ARK2C: variants seen among roughly 807,000 people sequenced by gnomAD.
ARK2C encodes arkadia (RNF111) C-terminal like ring finger ubiquitin ligase 2C, also known as E3 ubiquitin-protein ligase ARK2C.
At chr18:46,445,629 C>G in the ARK2C span, among the ~76,000 whole-genome samples, 4 of 152,220 alleles carry the variant, frequency 2.6e-5, no homozygotes, top group Admixed American at 1.3e-4. Flanking sequence ...TCTGAATCCT[C>G]AAATCATTAA....
chr18:46,450,197 C>G, the ARK2C span: 1 of 782,760 alleles, frequency 1.3e-6, no homozygotes, highest in Non-Finnish European at 2.3e-6. Context: ...CACAGCATCT[C>G]AGGGTGTACT....
At chr18:46,441,248 T>A in the ARK2C span, among the ~76,000 whole-genome samples, 43 of 152,278 alleles carry the variant, frequency 2.8e-4, no homozygotes, top group African/African-American at 8.2e-4. Flanking sequence ...CCACCTCACC[T>A]CCCAAAGTGC....
At chr18:46,407,817 T>C in the ARK2C span, among the ~76,000 whole-genome samples, 84 of 152,332 alleles carry the variant, frequency 5.5e-4, no homozygotes, top group Middle Eastern at 3.4e-3. Flanking sequence ...TCCACCCATG[T>C]GAAAAGTTGG....
At chr18:46,419,892 C>T in the ARK2C span, among the ~76,000 whole-genome samples, 1 of 152,160 alleles carries the variant, frequency 6.6e-6, no homozygotes, top group African/African-American at 2.4e-5. Context: ...CTCCTCTAAC[C>T]TTCTTTCTTT....
At chr18:46,407,359 A>G in the ARK2C span, among the ~76,000 whole-genome samples, 4 of 152,174 alleles carry the variant, frequency 2.6e-5, no homozygotes, top group Non-Finnish European at 4.4e-5. Flanking sequence ...CATGGATAGC[A>G]TGGGGATTGG....
At chr18:46,341,851 T>G in the ARK2C span, among the ~76,000 whole-genome samples, 2 of 152,170 alleles carry the variant, frequency 1.3e-5, no homozygotes, top group Admixed American at 1.3e-4. Context: ...TTTATCAAAC[T>G]TTGTCTTTCT....
At chr18:46,435,417 GGGGAGGAA>G in the ARK2C span, 17 of 1,566,708 alleles carry the variant, frequency 1.1e-5, no homozygotes, top group Middle Eastern at 1.7e-4. Context: ...AGGGCCCCTG[GGGGAGGAA>G]GGGAGGAAGG....
the ARK2C span, among the ~76,000 whole-genome samples, chr18:46,442,044 T>A: frequency 6.7e-6 from 1 of 149,102 alleles, no homozygotes; most frequent in South Asian, 2.1e-4. Context: ...GCGCCTGTAG[T>A]CCCAGCTACT....
chr18:46,383,740 C>G, the ARK2C span, among the ~76,000 whole-genome samples: 2 of 151,814 alleles, frequency 1.3e-5, no homozygotes, highest in Non-Finnish European at 2.9e-5. Flanking sequence ...ATTTTTAATA[C>G]AGACGGGGTT....
the ARK2C span, among the ~76,000 whole-genome samples, chr18:46,383,294 T>C: frequency 6.6e-6 from 1 of 152,138 alleles, no homozygotes; most frequent in Admixed American, 6.5e-5. Flanking sequence ...AAAATACAAT[T>C]TTTCTACAAA....
the ARK2C span, among the ~76,000 whole-genome samples, chr18:46,369,096 T>C: frequency 4.5e-4 from 68 of 152,348 alleles, no homozygotes; most frequent in African/African-American, 1.6e-3. Flanking sequence ...ACACAACTAA[T>C]AAATGGTAGG....
the ARK2C span, chr18:46,447,555 C>T: frequency 9.9e-6 from 16 of 1,614,048 alleles, no homozygotes; most frequent in East Asian, 3.6e-4. Context: ...GAGGCTGTTT[C>T]CCTGCAGGGA....
chr18:46,397,105 C>T, the ARK2C span, among the ~76,000 whole-genome samples: 1 of 152,186 alleles, frequency 6.6e-6, no homozygotes, highest in African/African-American at 2.4e-5. Flanking sequence ...GGCCTGGAAC[C>T]CAGGCTTGGT....
At chr18:46,358,747 G>T in the ARK2C span, among the ~76,000 whole-genome samples, 1 of 152,136 alleles carries the variant, frequency 6.6e-6, no homozygotes, top group African/African-American at 2.4e-5. Context: ...ACACTGACCA[G>T]CTTCTCACCC....
At chr18:46,358,789 T>C in the ARK2C span, among the ~76,000 whole-genome samples, 27 of 152,260 alleles carry the variant, frequency 1.8e-4, no homozygotes, top group African/African-American at 6.0e-4. Flanking sequence ...GAGAAACCCA[T>C]GGGCAGAGTG....
chr18:46,367,336 G>A, the ARK2C span, among the ~76,000 whole-genome samples: 1 of 152,162 alleles, frequency 6.6e-6, no homozygotes, highest in Non-Finnish European at 1.5e-5. Flanking sequence ...TGATTTTCAG[G>A]ATAATCTAGG....
the ARK2C span, chr18:46,462,336 CCCTCCTTCACAGCTTAT>C: frequency 6.5e-6 from 1 of 153,584 alleles, no homozygotes. Flanking sequence ...CTTCCCCTTT[CCCTCCTTCACAGCTTAT>C]CCTCCTTCTT....
At chr18:46,408,067 G>C in the ARK2C span, among the ~76,000 whole-genome samples, 2 of 152,192 alleles carry the variant, frequency 1.3e-5, no homozygotes, top group Non-Finnish European at 2.9e-5. Flanking sequence ...GGAGATATTT[G>C]GAAGTGGGGA....
At chr18:46,376,156 C>A in the ARK2C span, among the ~76,000 whole-genome samples, 1 of 152,206 alleles carries the variant, frequency 6.6e-6, no homozygotes, top group African/African-American at 2.4e-5. Context: ...CTATTAGGCC[C>A]CTGGCTTGTT....
Sources: gnomAD v4.1 joint callset for allele counts (sites outside exome capture counted in the v4.1 genomes callset) on GRCh38, gnomAD v4.1.1 for gene constraint, MANE v1.5 for transcripts, NCBI Gene and HGNC (gene_info 2026-07-23, HGNC 2026-07-21) for gene names.